The following RGL1 variants were observed in gnomAD, a reference collection of about 807,000 sequenced individuals.
RGL1 encodes ral guanine nucleotide dissociation stimulator-like 1.
In RGL1, 24 loss-of-function variants were observed where a neutral mutation model predicts 95.2. The observed-to-expected ratio is 0.25, with a 90% CI of 0.18 to 0.35. The LOEUF (loss-of-function observed/expected upper bound fraction) is 0.35, where lower values mean the gene tolerates loss of function less well. RGL1 is among the 10% of genes least tolerant of loss of function. The pLI, the probability that RGL1 is intolerant of heterozygous loss-of-function variation, is 1.00. For synonymous variants in RGL1, 329 were observed against 344.9 expected (o/e 0.95, Z 0.51); for missense variants, 715 against 936.3 (o/e 0.76, Z 3.08).
Position 183,847,766 on chromosome 1 carries a change from G to T in RGL1, c.339G>T (p.Leu113=), listed in dbSNP as rs1221776350. 5.6e-6 allele frequency: 9 copies of T among 1,613,250 alleles called. No individual in the cohort carries two copies. The African/African-American group carries it at 1.1e-4, about 19-fold the overall frequency. The stretch of plus-strand genomic sequence containing the variant: ...CCACTAAAGAAGTGCTGGAACTACT[G>T]CTGGACAGGTAAGAATGTAAAGGAG... The part of the protein sequence containing the change: ...FASTKEVLEL[L]LDRYGNLTSP... Residue 113 remains leucine, a synonymous_variant, in exon 3 of 18, where the codon CTG becomes CTT. Transcript: ENST00000360851.
At chr1:183,788,812 C>T (rs894261431) in intron 2 of RGL1, among the ~76,000 whole-genome samples, 2 of 152,106 alleles carry the variant, frequency 1.3e-5, no homozygotes, top group African/African-American at 4.8e-5. Flanking sequence ...CAGTATTAGC[C>T]TATTTGACAT....
At chr1:183,863,332 T>G (rs184805133) in intron 3 of RGL1, among the ~76,000 whole-genome samples, 357 of 152,198 alleles carry the variant, frequency 2.3e-3, no homozygotes, top group African/African-American at 7.9e-3. Flanking sequence ...TTTTTTTGTT[T>G]TTTGTTTTTT....
Position 183,888,484 on chromosome 1 carries a change from T to C in RGL1, c.962T>C (p.Leu321Pro), listed in dbSNP as rs757224301. ...TCACTCCCCATGCAGGAATGTAGAC[T>C]CCTGAAGAATTTTTCCTCCTTGAGG... The part of the protein sequence containing the change: ...KWINIAHECR[L>P]LKNFSSLRAI... The change falls in exon 8 of 18, where the codon CTC becomes CCC. Residue 321 changes from leucine (L) to proline (P), a missense_variant. This residue lies in a region of RGL1 where 381 missense variants were observed against 484.8 expected (regional missense o/e 0.79). Transcript: ENST00000360851. 2.5e-6 allele frequency: 4 copies of C among 1,605,036 alleles called. No homozygotes were observed. The highest frequency in any genetic ancestry group is 3.4e-6 in the Non-Finnish European group (4 of 1,171,846).
At chr1:183,780,398 G>C (rs1414779345) in intron 2 of RGL1, among the ~76,000 whole-genome samples, 1 of 152,210 alleles carries the variant, frequency 6.6e-6, no homozygotes, top group African/African-American at 2.4e-5. Context: ...CATTAGCCCT[G>C]TGCTGTAACT....
chr1:183,654,154 A>G (rs1650973658), intron 1 of RGL1, among the ~76,000 whole-genome samples: 1 of 152,196 alleles, frequency 6.6e-6, no homozygotes, highest in South Asian at 2.1e-4. Flanking sequence ...AGTCTGCACC[A>G]CAGCACACAT....
intron 1 of RGL1, among the ~76,000 whole-genome samples, chr1:183,741,856 A>G (rs576217190): frequency 2.6e-5 from 4 of 152,342 alleles, no homozygotes; most frequent in African/African-American, 7.2e-5. Context: ...AGTGATGAGC[A>G]GGTATAACAG....
At chr1:183,821,311 G>A (rs143571926) in intron 2 of RGL1, among the ~76,000 whole-genome samples, 124 of 152,282 alleles carry the variant, frequency 8.1e-4, no homozygotes, top group African/African-American at 2.9e-3. Flanking sequence ...TCTGAAGTCA[G>A]TTAGGTGGGC....
intron 2 of RGL1, among the ~76,000 whole-genome samples, chr1:183,766,182 G>C (rs1005859196): frequency 6.6e-6 from 1 of 151,928 alleles, no homozygotes; most frequent in African/African-American, 2.4e-5. Context: ...CGAGGCGGGC[G>C]GATCATGAGG....
At chr1:183,913,532 T>C (rs1668789530) in intron 15 of RGL1, among the ~76,000 whole-genome samples, 2 of 152,110 alleles carry the variant, frequency 1.3e-5, no homozygotes, top group Non-Finnish European at 2.9e-5. Context: ...AATCTGTTGG[T>C]TGAAGGGTTT....
At chr1:183,919,402 C>T (rs1365308350) in intron 16 of RGL1, among the ~76,000 whole-genome samples, 3 of 152,150 alleles carry the variant, frequency 2.0e-5, no homozygotes, top group African/African-American at 7.2e-5. Context: ...GCAATTCCAT[C>T]CACCATAGCT....
rs548884628 is a variant in RGL1 at position 183,798,235 on chromosome 1, G to C, written c.133-8140G>C. ...ACTGCTTTCTTCTAAACTTTTGACT[G>C]GGCATAGGACATTATAGTGCAGCAT... On this transcript the variant is annotated intron_variant, in intron 2 of 18. Transcript: ENST00000304685. 9.2e-5 allele frequency among the ~76,000 whole-genome samples: 14 copies of C among 152,180 alleles called. No homozygotes were observed. In the East Asian group the frequency reaches 2.5e-3, roughly 27 times the overall value.
chr1:183,922,507 GAATTAAGTATCTCA>G (rs1237471007), intron 17 of RGL1, among the ~76,000 whole-genome samples, 171 bp downstream of exon 17: 5 of 152,198 alleles, frequency 3.3e-5, no homozygotes, highest in African/African-American at 1.2e-4. Flanking sequence ...CTCACTTGTG[GAATTAAGTATCTCA>G]AACCGCTCTC....
At position 183,905,001 on chromosome 1, in the gene RGL1, A is replaced by T. The variant is rs113650804; in HGVS notation, c.1472+30A>T. 1.2e-5 allele frequency: 19 copies of T among 1,595,236 alleles called. No homozygotes were observed. In the African/African-American group the frequency reaches 1.8e-4, roughly 15 times the overall value. On this transcript the variant is annotated intron_variant, in intron 13 of 17. Transcript: ENST00000360851. Reference sequence around the variant, plus strand: ...GATCACCTGTCGTTCATCGGGGTAGAACTGAAGTGTTGGCAAGAAAAATGC... The same window carrying T: ...GATCACCTGTCGTTCATCGGGGTAGTACTGAAGTGTTGGCAAGAAAAATGC...
intron 2 of RGL1, among the ~76,000 whole-genome samples, chr1:183,770,570 C>T (rs1174370657): frequency 6.6e-6 from 1 of 152,160 alleles, no homozygotes; most frequent in East Asian, 1.9e-4. Context: ...AGACCAGTCT[C>T]AAATCCGTCT....
chr1:183,897,294 G>A (rs1318941311), intron 9 of RGL1, among the ~76,000 whole-genome samples: 1 of 152,212 alleles, frequency 6.6e-6, no homozygotes, highest in African/African-American at 2.4e-5. Flanking sequence ...AGCACTTGGG[G>A]AAGCTGAGGC....
chr1:183,816,395 C>T lies in RGL1; in HGVS notation c.138+9910C>T, dbSNP rs182084524. Among the ~76,000 whole-genome samples, 222 of 152,200 alleles carry T rather than the reference C, an allele frequency of 1.5e-3. 1 individual carries two copies. Among genetic ancestry groups the T allele is most frequent in the African/African-American group, 5.2e-3 (215 of 41,528 alleles). Reference sequence around the variant, plus strand: ...TGTTCTTGCACCATCAGTTTCAAGTCCTGGACTAAACTACATGAGATAAAG... The same window carrying T: ...TGTTCTTGCACCATCAGTTTCAAGTTCTGGACTAAACTACATGAGATAAAG... On this transcript the variant is annotated intron_variant, in intron 2 of 17. Coordinates refer to ENST00000360851, the MANE Select transcript of RGL1 (RefSeq NM_001297671.3).
chr1:183,647,041 C>G (rs1329206628), intron 1 of RGL1: 4 of 152,328 alleles, frequency 2.6e-5, no homozygotes, highest in Admixed American at 2.6e-4. Context: ...CATGTATCAT[C>G]TTACCTCTAT....
intron 4 of RGL1, among the ~76,000 whole-genome samples, chr1:183,874,690 T>C (rs1666384785): frequency 6.6e-6 from 1 of 152,190 alleles, no homozygotes; most frequent in African/African-American, 2.4e-5. Context: ...TGTGACAATG[T>C]AAAGTGTAAA....
At chr1:183,713,357 GA>G (rs1037487887) in intron 1 of RGL1, among the ~76,000 whole-genome samples, 4 of 64,618 alleles carry the variant, frequency 6.2e-5, no homozygotes, top group Non-Finnish European at 1.2e-4. Context: ...TTGCCTTTTT[GA>G]AAAAAAAATC....
Sources: gnomAD v4.1 joint callset for allele counts (sites outside exome capture counted in the v4.1 genomes callset) on GRCh38, gnomAD v4.1.1 for gene constraint, gnomAD v4.1.1 regional missense constraint, MANE v1.5 for transcripts, NCBI Gene and HGNC (gene_info 2026-07-23, HGNC 2026-07-21) for gene names.